Variants in B4GALT5 observed in about 807,000 individuals in gnomAD.
The protein encoded by B4GALT5 is UDP-Gal:beta-GlcNAc beta-1,4-galactosyltransferase 5.
Under a neutral mutation model 45.0 loss-of-function variants are expected in B4GALT5, and 11 were observed. The observed-to-expected ratio is 0.24, with a 90% CI of 0.15 to 0.40. B4GALT5 has a LOEUF of 0.40. Among genes scored for constraint, B4GALT5 ranks in the 10% least tolerant of loss-of-function variants. The probability of loss-of-function intolerance (pLI) is 1.00; values close to 1 mark genes in which losing one functional copy is unlikely to be tolerated. For missense variants in B4GALT5, 337 were observed against 500.2 expected, an observed-to-expected ratio of 0.67 and a Z score of 3.11; for synonymous variants, 185 against 182.9, an observed-to-expected ratio of 1.01 and a Z score of -0.09.
intron 2 of B4GALT5, among the ~76,000 whole-genome samples, chr20:49,653,025 G>A (rs1684376875): frequency 6.6e-6 from 1 of 152,136 alleles, no homozygotes; most frequent in South Asian, 2.1e-4. Flanking sequence ...AGAATGATGG[G>A]TTTTCATTAA....
At position 49,656,821 on chromosome 20, in the gene B4GALT5, T is replaced by C. The variant is rs1243884475; in HGVS notation, c.116-119A>G. 4 of 1,306,360 alleles carry C rather than the reference T, an allele frequency of 3.1e-6. No individual in the cohort carries two copies. The African/African-American group carries it at 4.5e-5, about 15-fold the overall frequency. 80.9% of individuals were successfully genotyped at this position (1,306,360 alleles called of 1,614,324 possible). A position where few individuals can be genotyped will look rare whatever the true frequency, so the allele number is the denominator to read the frequency against. On this transcript the variant is annotated intron_variant, in intron 1 of 8. Coordinates refer to ENST00000371711, the MANE Select transcript of B4GALT5 (RefSeq NM_004776.4). ...ACTTTTAAAGCCTCTTTTAGTTCTT[T>C]TAAAACCCTACATGACCATAACTCT...
chr20:49,709,402 ACTCT>A (rs1202665564), intron 1 of B4GALT5, among the ~76,000 whole-genome samples: 1 of 152,002 alleles, frequency 6.6e-6, no homozygotes, highest in Non-Finnish European at 1.5e-5. Context: ...TCTCTCTTTC[ACTCT>A]CTCACTTTCT....
At chr20:49,639,361 T>C (rs936806258) in intron 7 of B4GALT5, among the ~76,000 whole-genome samples, 4 of 149,484 alleles carry the variant, frequency 2.7e-5, no homozygotes, top group African/African-American at 9.8e-5. Context: ...ATGTGTGTGG[T>C]GTGTGTGTGT....
intron 1 of B4GALT5, among the ~76,000 whole-genome samples, chr20:49,696,038 G>A (rs1167588455): frequency 2.0e-5 from 3 of 152,182 alleles, no homozygotes; most frequent in Non-Finnish European, 2.9e-5. Flanking sequence ...CAAAAGGCAC[G>A]CTGTGTCACA....
intron 1 of B4GALT5, among the ~76,000 whole-genome samples, chr20:49,679,395 A>T (rs912002870): frequency 2.0e-5 from 3 of 152,152 alleles, no homozygotes; most frequent in African/African-American, 7.2e-5. Context: ...ACCGAAAGTT[A>T]GTTAAACAAA....
chr20:49,645,882 G>T (rs1056289120), intron 3 of B4GALT5, among the ~76,000 whole-genome samples: 2 of 151,772 alleles, frequency 1.3e-5, no homozygotes, highest in Non-Finnish European at 2.9e-5. Flanking sequence ...TTGAAACAGG[G>T]TCTTGCTTTG....
chr20:49,684,446 C>G (rs566843731), intron 1 of B4GALT5, among the ~76,000 whole-genome samples: 69 of 151,898 alleles, frequency 4.5e-4, no homozygotes, highest in African/African-American at 1.6e-3. Flanking sequence ...GCCTGTAGTC[C>G]CAGCTGCTGG....
rs115147580 is a variant in B4GALT5, at chr20:49,690,563, G to T, written c.115+23013C>A. Among the ~76,000 whole-genome samples the T allele has an allele frequency of 8.7e-3, 1,319 of 151,456 alleles. 13 individuals carry two copies. Among genetic ancestry groups the T allele is most frequent in the African/African-American group, 0.03 (1,251 of 41,340 alleles). The stretch of plus-strand genomic sequence containing the variant: ...AAACTCTAACTCAAAAAAAAAAAGG[G>T]GGGGGTGACAATTATATTTTAATTA... On this transcript the variant is annotated intron_variant, in intron 1 of 8. Transcript: ENST00000371711.
At chr20:49,676,849 T>C (rs184992007) in intron 1 of B4GALT5, among the ~76,000 whole-genome samples, 10 of 152,368 alleles carry the variant, frequency 6.6e-5, no homozygotes, top group African/African-American at 1.4e-4. Context: ...ATCCTCTGTG[T>C]CTAAGATGAC....
At chr20:49,641,692 A>T (rs909575619) in intron 5 of B4GALT5, among the ~76,000 whole-genome samples, 2 of 152,194 alleles carry the variant, frequency 1.3e-5, no homozygotes, top group Non-Finnish European at 2.9e-5. Flanking sequence ...GAGACTCAAA[A>T]GTGTGCCCAT....
rs528941215 is a variant in B4GALT5, at chr20:49,675,030, G to GAA, written c.116-18330_116-18329dup. ...AGATTTCAAAAGCAAAAAATCCCGG[G>GAA]AAAAATAATCTATCACAACAAAAGC... On this transcript the variant is annotated intron_variant, in intron 1 of 8. Coordinates refer to ENST00000371711, the MANE Select transcript of B4GALT5 (RefSeq NM_004776.4). 1.5e-3 allele frequency among the ~76,000 whole-genome samples: 230 copies of GAA among 152,262 alleles called. 1 individual carries two copies. The highest frequency in any genetic ancestry group is 5.3e-3 in the African/African-American group (222 of 41,550).
At chr20:49,702,305 T>C (rs1235907897) in intron 1 of B4GALT5, among the ~76,000 whole-genome samples, 1 of 152,026 alleles carries the variant, frequency 6.6e-6, no homozygotes, top group Non-Finnish European at 1.5e-5. Context: ...TTCTCAAAAA[T>C]CACATCAGTA....
chr20:49,682,841 C>T (rs2146349931), intron 1 of B4GALT5, among the ~76,000 whole-genome samples: 1 of 152,268 alleles, frequency 6.6e-6, no homozygotes, highest in South Asian at 2.1e-4. Context: ...ATCTGCAATC[C>T]TAACACTTCA....
chr20:49,684,453 C>T (rs6019972), intron 1 of B4GALT5, among the ~76,000 whole-genome samples: 122,825 of 151,730 alleles, frequency 0.81, 49,817 homozygotes, highest in Middle Eastern at 0.9. Context: ...GTCCCAGCTG[C>T]TGGGGAGGCT....
chr20:49,654,396 C>CTCCCAGGTATGGT (rs1424196565), intron 2 of B4GALT5, among the ~76,000 whole-genome samples: 1 of 152,206 alleles, frequency 6.6e-6, no homozygotes, highest in Non-Finnish European at 1.5e-5. Context: ...AGGGTTTCCT[C>CTCCCAGGTATGGT]TCCCAGGTAT....
In B4GALT5 at chr20:49,646,039, A is replaced by G. The variant is rs147855637; in HGVS notation, c.364+926T>C. On this transcript the variant is annotated intron_variant, in intron 3 of 8. Transcript: ENST00000371711. Reference sequence around the variant, plus strand: ...CATTTCTTAAAAAAGTAATAATAATAATTTTAAAATTAGCCAGGCATTGAC... The same window carrying G: ...CATTTCTTAAAAAAGTAATAATAATGATTTTAAAATTAGCCAGGCATTGAC... 1.2e-4 allele frequency among the ~76,000 whole-genome samples: 18 copies of G among 152,162 alleles called. No homozygotes were observed. The East Asian group carries it at 3.3e-3, about 28-fold the overall frequency.
chr20:49,647,854 C>T (rs1421955023), intron 2 of B4GALT5, among the ~76,000 whole-genome samples: 3 of 152,014 alleles, frequency 2.0e-5, no homozygotes, highest in East Asian at 1.9e-4. Context: ...GGTATTCTCT[C>T]GGTGATGATT....
intron 1 of B4GALT5, among the ~76,000 whole-genome samples, chr20:49,681,382 C>A (rs571312634): frequency 2.0e-4 from 30 of 152,118 alleles, no homozygotes; most frequent in African/African-American, 6.5e-4. Flanking sequence ...AGTGACAAAA[C>A]AGCCCCAAAC....
intron 1 of B4GALT5, among the ~76,000 whole-genome samples, chr20:49,681,733 A>G (rs1367613710): frequency 6.6e-6 from 1 of 152,184 alleles, no homozygotes; most frequent in Non-Finnish European, 1.5e-5. Context: ...TTGTCAGTTC[A>G]TTCTCAATTA....
Sources: allele counts gnomAD v4.1 joint callset (sites outside exome capture counted in the v4.1 genomes callset), GRCh38; gene constraint gnomAD v4.1.1; transcripts MANE v1.5; gene names NCBI Gene and HGNC (gene_info 2026-07-23, HGNC 2026-07-21).